Variants in FERMT3 observed in about 807,000 individuals in gnomAD.
The protein encoded by FERMT3 is fermitin family homolog 3.
Under a neutral mutation model 80.8 loss-of-function variants are expected in FERMT3, and 33 were observed. The observed-to-expected ratio is 0.41, with a 90% CI of 0.31 to 0.55. The LOEUF (loss-of-function observed/expected upper bound fraction) is 0.55, where lower values mean the gene tolerates loss of function less well. Ranked by LOEUF, FERMT3 falls within the 20% of genes least tolerant of loss-of-function variation. The probability of loss-of-function intolerance (pLI) is 0.31; values close to 1 mark genes in which losing one functional copy is unlikely to be tolerated. For missense variants in FERMT3, 754 were observed against 908.7 expected, an observed-to-expected ratio of 0.83 and a Z score of 2.19; for synonymous variants, 375 against 372.2, an observed-to-expected ratio of 1.01 and a Z score of -0.09.
intron 10 of FERMT3, 102 bp downstream of exon 10, chr11:64,220,117 A>T: frequency 6.3e-7 from 1 of 1,577,942 alleles, no homozygotes; most frequent in Non-Finnish European, 8.7e-7. Context: ...ACCGGGGAAG[A>T]TGCCCTCTGT....
In FERMT3 at chr11:64,207,382, A is replaced by G. The variant is rs749840857; in HGVS notation, c.18A>G (p.Thr6=). The G allele has an allele frequency of 1.1e-5, 17 of 1,614,052 alleles. No homozygotes were observed. Among genetic ancestry groups the G allele is most frequent in the Non-Finnish European group, 1.4e-5 (17 of 1,180,030 alleles). The part of the protein sequence containing the change: MAGMK[T]ASGDYIDSSW... ...CCGCAGCCATGGCGGGGATGAAGAC[A>G]GCCTCCGGGGACTACATCGACTCGT... The change falls in exon 2 of 15, where the codon ACA becomes ACG. Residue 6 remains threonine (T), a synonymous_variant. Coordinates refer to ENST00000345728, the MANE Select transcript of FERMT3 (RefSeq NM_031471.6).
rs1946440058 is a variant in FERMT3 at position 64,211,550 on chromosome 11, TTC to T, written c.684-91_684-90del. ...GATCCACACTTCGTTTCCAGGCCTT[TTC>T]TCTGTGTGTGCTTGTCCCCCCAGCC... On this transcript the variant is annotated intron_variant, in intron 5 of 14. Transcript: ENST00000345728. This position sits in a 1 kb window ranked among gnomAD's most constrained non-coding sequence, Gnocchi z 4.7. 2.0e-6 allele frequency: 3 copies of T among 1,501,634 alleles called. No homozygotes were observed. The highest frequency in any genetic ancestry group is 2.7e-6 in the Non-Finnish European group (3 of 1,109,432). 93.0% of individuals were successfully genotyped at this position (1,501,634 alleles called of 1,614,324 possible).
chr11:64,220,634 G>GC lies in FERMT3; in HGVS notation c.1516dup (p.Arg506ProfsTer105). ...GGGCCTCAACCCCTACGGCCTCGTT[G>GC]CCCCCCGTTTCCAGCGAAAGTTCAA... On this transcript the variant is annotated frameshift_variant, in exon 12 of 15. Coordinates refer to ENST00000345728, the MANE Select transcript of FERMT3 (RefSeq NM_031471.6). LOFTEE classifies it high-confidence loss of function. The GC allele has an allele frequency of 1.2e-6, 2 of 1,611,534 alleles. No homozygotes were observed. The highest frequency in any genetic ancestry group is 1.7e-6 in the Non-Finnish European group (2 of 1,179,360).
At chr11:64,208,894 C>T (rs937097864) in intron 2 of FERMT3, among the ~76,000 whole-genome samples, 1 of 152,062 alleles carries the variant, frequency 6.6e-6, no homozygotes. Flanking sequence ...AGGTGGCCAC[C>T]GAAGGGTTCT....
rs773426791 is a variant in FERMT3, at chr11:64,223,123, C to T, written c.1746C>T (p.Gly582=). 5 of 1,613,836 alleles carry T rather than the reference C, an allele frequency of 3.1e-6. No individual in the cohort carries two copies. Among genetic ancestry groups the T allele is most frequent in the East Asian group, 2.2e-5 (1 of 44,898 alleles). ...NRLIRIDLAV[G]DVVKTWRFSN... ...TGATCCGCATCGACTTGGCCGTGGGCGACGTGGTCAAGACCTGGCGTTTCA... is the reference window on the plus strand; with the variant it reads ...TGATCCGCATCGACTTGGCCGTGGGTGACGTGGTCAAGACCTGGCGTTTCA... Residue 582 remains glycine (G), a synonymous_variant, in exon 14 of 15, where the codon GGC becomes GGT. Coordinates refer to ENST00000345728, the MANE Select transcript of FERMT3 (RefSeq NM_031471.6).
At position 64,219,715 on chromosome 11, in the gene FERMT3, C is replaced by A. The variant is rs761647934; in HGVS notation, c.1030-25C>A. ...GGGAGAACTGTGAGGTACCGGGTGC[C>A]CCTCTGACTCTGGTCCTCCCATAGG... On this transcript the variant is annotated intron_variant, in intron 8 of 14. Coordinates refer to ENST00000345728, the MANE Select transcript of FERMT3 (RefSeq NM_031471.6). The surrounding 1 kb of genome is among the most constrained non-coding windows in gnomAD (Gnocchi z 4.0). The A allele has an allele frequency of 6.2e-7, 1 of 1,613,842 alleles. No homozygotes were observed. Among genetic ancestry groups the A allele is most frequent in the South Asian group, 1.1e-5 (1 of 91,082 alleles).
chr11:64,212,815 A>G (rs1946472086), intron 6 of FERMT3, among the ~76,000 whole-genome samples: 1 of 150,898 alleles, frequency 6.6e-6, no homozygotes, highest in Non-Finnish European at 1.5e-5. Context: ...GTGGATTTCA[A>G]TACCATCTCC....
At chr11:64,209,148 A>AG (rs1372554755) in intron 2 of FERMT3, among the ~76,000 whole-genome samples, 1 of 152,106 alleles carries the variant, frequency 6.6e-6, no homozygotes, top group East Asian at 1.9e-4. Flanking sequence ...GAGGTGGTGT[A>AG]GGGAGCTGGT....
chr11:64,213,730 G>A (rs1291388388), intron 6 of FERMT3, among the ~76,000 whole-genome samples: 1 of 147,742 alleles, frequency 6.8e-6, no homozygotes, highest in Non-Finnish European at 1.5e-5. Flanking sequence ...AGCTAATTTT[G>A]TATTTTTAGT....
At chr11:64,216,445 C>G (rs550340491) in intron 6 of FERMT3, among the ~76,000 whole-genome samples, 1 of 149,198 alleles carries the variant, frequency 6.7e-6, no homozygotes, top group Admixed American at 6.6e-5. Context: ...GTGATCTGCC[C>G]GCTTCAGCCT....
In FERMT3 at chr11:64,223,590, G is replaced by A. The variant is rs1946776095; in HGVS notation, c.*98G>A. The A allele has an allele frequency of 2.8e-6, 4 of 1,413,936 alleles. No homozygotes were observed. In the East Asian group the frequency reaches 9.9e-5, roughly 35 times the overall value. 87.6% of individuals were successfully genotyped at this position (1,413,936 alleles called of 1,614,324 possible). On this transcript the variant is annotated 3_prime_UTR_variant, in exon 15 of 15. Transcript: ENST00000345728. ...CACTGCCCCACACCCGCTCCAGGCA[G>A]GCACCCAGCTGGGCATTTCACCTGC...
Position 64,223,394 on chromosome 11 carries a change from G to A in FERMT3, c.1894G>A (p.Gly632Arg), listed in dbSNP as rs760031042. Residue 632 changes from glycine (G) to arginine (R), a missense_variant, in exon 15 of 15, where the codon GGG becomes AGG. Transcript: ENST00000345728. The part of the protein sequence containing the change: ...ASCRIVHEYI[G>R]GYIFLSTRER... ...CTGCCGAATTGTACACGAGTATATC[G>A]GGGGCTACATTTTCCTGTCGACGCG... 8 of 1,613,790 alleles carry A rather than the reference G, an allele frequency of 5.0e-6. No homozygotes were observed. Among genetic ancestry groups the A allele is most frequent in the East Asian group, 2.2e-5 (1 of 44,894 alleles).
intron 6 of FERMT3, among the ~76,000 whole-genome samples, chr11:64,214,856 G>A (rs555848600): frequency 6.7e-5 from 10 of 149,866 alleles, no homozygotes; most frequent in African/African-American, 2.5e-4. Context: ...AGGCTGGAGT[G>A]CAATGGCGTG....
Position 64,211,352 on chromosome 11 carries a change from C to T in FERMT3, c.592C>T (p.Leu198=). ...SAQTEACYHM[L]SRPQPPPDPL... is the part of the protein sequence containing the mutation. Reference sequence around the variant, plus strand: ...CCAGACTGAGGCCTGCTACCACATGCTGAGCCGGCCCCAGCCGCCACCCGA... The same window carrying T: ...CCAGACTGAGGCCTGCTACCACATGTTGAGCCGGCCCCAGCCGCCACCCGA... Residue 198 remains leucine (L), a synonymous_variant, in exon 5 of 15, where the codon CTG becomes TTG. Transcript: ENST00000345728. The surrounding 1 kb of genome is among the most constrained non-coding windows in gnomAD (Gnocchi z 4.7). 1 of 1,611,956 alleles carries T rather than the reference C, an allele frequency of 6.2e-7. No individual in the cohort carries two copies. The highest frequency in any genetic ancestry group is 8.5e-7 in the Non-Finnish European group (1 of 1,179,538).
chr11:64,206,748 G>GGAAGCCCACGGCCCACAGGGGT lies in FERMT3; in HGVS notation c.-79_-58dup, dbSNP rs1168965439. 73 of 153,324 alleles carry GGAAGCCCACGGCCCACAGGGGT rather than the reference G, an allele frequency of 4.8e-4. 1 individual carries two copies. Among genetic ancestry groups the GGAAGCCCACGGCCCACAGGGGT allele is most frequent in the African/African-American group, 1.6e-3 (65 of 41,566 alleles). 9.5% of individuals were successfully genotyped at this position (153,324 alleles called of 1,614,324 possible). ...GAAGCTCCAAAGAGAAAGGAGGGCA[G>GGAAGCCCACGGCCCACAGGGGT]GAAGCCCACGGCCCACAGGGGTGTA... On this transcript the variant is annotated 5_prime_UTR_variant, in exon 1 of 15. Transcript: ENST00000345728.
chr11:64,210,578 G>A lies in FERMT3; in HGVS notation c.161-33G>A. On this transcript the variant is annotated intron_variant, in intron 2 of 14. Transcript: ENST00000345728. The surrounding 1 kb of genome is among the most constrained non-coding windows in gnomAD (Gnocchi z 4.3). ...GGGTGTTGGGGGCACCAGGGAGGAA[G>A]GTTGGACCCAGATGTGCCCCCGTGC... The A allele has an allele frequency of 6.3e-7, 1 of 1,599,516 alleles. No homozygotes were observed. Among genetic ancestry groups the A allele is most frequent in the Non-Finnish European group, 8.6e-7 (1 of 1,167,112 alleles).
rs772785957 is a variant in FERMT3, at chr11:64,219,872, A to G, written c.1080-19A>G. 1 of 1,613,422 alleles carries G rather than the reference A, an allele frequency of 6.2e-7. No homozygotes were observed. Among genetic ancestry groups the G allele is most frequent in the Non-Finnish European group, 8.5e-7 (1 of 1,179,944 alleles). On this transcript the variant is annotated intron_variant, in intron 9 of 14. Transcript: ENST00000345728. This position sits in a 1 kb window ranked among gnomAD's most constrained non-coding sequence, Gnocchi z 4.0. ...GAGGGGGTGAGGCGGCCTTTCACAAACCCCAGCATCCCACGAAGGCCCCGG... is the reference window on the plus strand; with the variant it reads ...GAGGGGGTGAGGCGGCCTTTCACAAGCCCCAGCATCCCACGAAGGCCCCGG...
intron 6 of FERMT3, among the ~76,000 whole-genome samples, chr11:64,216,063 C>CTCAAATG (rs1343550300): frequency 6.6e-6 from 1 of 151,988 alleles, no homozygotes; most frequent in African/African-American, 2.4e-5. Context: ...CACTCCTGAC[C>CTCAAATG]TCAAATGATC....
At chr11:64,215,372 G>A (rs899978518) in intron 6 of FERMT3, among the ~76,000 whole-genome samples, 1 of 152,090 alleles carries the variant, frequency 6.6e-6, no homozygotes, top group Non-Finnish European at 1.5e-5. Context: ...CAAACATTTT[G>A]ACAATTGTCA....
Sources: allele counts gnomAD v4.1 joint callset (sites outside exome capture counted in the v4.1 genomes callset), GRCh38; gene constraint gnomAD v4.1.1; non-coding constraint Gnocchi (gnomAD v3.1); transcripts MANE v1.5; gene names NCBI Gene and HGNC (gene_info 2026-07-23, HGNC 2026-07-21).